Variants in DLGAP2 observed in about 807,000 individuals in gnomAD.
DLGAP2 encodes disks large-associated protein 2.
A neutral mutation model predicts 100.3 loss-of-function variants in DLGAP2; 26 were observed. The observed-to-expected ratio is 0.26, with a 90% confidence interval of 0.19 to 0.36. The LOEUF (loss-of-function observed/expected upper bound fraction) is 0.36. Among genes scored for constraint, DLGAP2 ranks in the 10% least tolerant of loss-of-function variants. DLGAP2 has a pLI of 1.00. For synonymous variants in DLGAP2, 886 were observed against 630.1 expected (o/e 1.41, Z -6.08); for missense variants, 1,858 against 1,453.2 (o/e 1.28, Z -4.53).
intron 3 of DLGAP2, among the ~76,000 whole-genome samples, chr8:1,290,426 C>T (rs1377158299): frequency 6.6e-6 from 1 of 152,208 alleles, no homozygotes; most frequent in Admixed American, 6.5e-5. Context: ...GCACTCCTGC[C>T]ATTCCACGAG....
At chr8:1,321,360 G>A (rs532902166) in intron 3 of DLGAP2, among the ~76,000 whole-genome samples, 26 of 149,218 alleles carry the variant, frequency 1.7e-4, no homozygotes, top group Admixed American at 5.4e-4. Context: ...TTATGCATCC[G>A]TACCATGTGC....
intron 2 of DLGAP2, among the ~76,000 whole-genome samples, chr8:1,072,875 G>T (rs1054335381): frequency 3.9e-5 from 6 of 152,202 alleles, no homozygotes; most frequent in African/African-American, 1.2e-4. Flanking sequence ...GTGTGCCCGG[G>T]GACCCTGTGC....
intron 1 of DLGAP2, among the ~76,000 whole-genome samples, chr8:895,757 G>T (rs1031494315): frequency 6.6e-6 from 1 of 152,140 alleles, no homozygotes; most frequent in Non-Finnish European, 1.5e-5. Flanking sequence ...TGTCCAGGTC[G>T]GTGTGGGGCA....
chr8:1,279,132 T>G (rs754335036), intron 3 of DLGAP2, among the ~76,000 whole-genome samples: 7 of 152,222 alleles, frequency 4.6e-5, no homozygotes, highest in Non-Finnish European at 8.8e-5. Flanking sequence ...GCATTGCAAA[T>G]AGAGGTGTCA....
In DLGAP2 at chr8:1,120,762, A is replaced by G. The variant is rs186900032; in HGVS notation, c.74-138089A>G. ...CATGAACACCCATCCTAATTTATTT[A>G]GAAACTAGTCATTCTAGTCCCATCC... On this transcript the variant is annotated intron_variant, in intron 2 of 14. Transcript: ENST00000637795. Among the ~76,000 whole-genome samples, 4 of 152,014 alleles carry G rather than the reference A, an allele frequency of 2.6e-5. No homozygotes were observed. In the South Asian group the frequency reaches 8.3e-4, roughly 32 times the overall value.
intron 2 of DLGAP2, among the ~76,000 whole-genome samples, chr8:1,072,941 A>G (rs1191389675): frequency 6.6e-6 from 1 of 152,156 alleles, no homozygotes; most frequent in Non-Finnish European, 1.5e-5. Flanking sequence ...GTATTAATTT[A>G]ATTAGGGAGT....
intron 1 of DLGAP2, among the ~76,000 whole-genome samples, chr8:812,599 G>A (rs1563044695): frequency 6.6e-6 from 1 of 152,192 alleles, no homozygotes; most frequent in South Asian, 2.1e-4. Flanking sequence ...AGATGCCTGT[G>A]ACATTTCAAT....
chr8:939,921 T>A (rs1799155101), intron 2 of DLGAP2, among the ~76,000 whole-genome samples: 2 of 151,566 alleles, frequency 1.3e-5, no homozygotes, highest in African/African-American at 4.9e-5. Context: ...CATGAGGGGA[T>A]GGCTGAGGCC....
At chr8:1,267,609 AAG>A (rs1491199895) in intron 3 of DLGAP2, among the ~76,000 whole-genome samples, 2 of 114,814 alleles carry the variant, frequency 1.7e-5, no homozygotes, top group African/African-American at 7.3e-5. Flanking sequence ...AAGATAAGAT[AAG>A]ATAAGATAAG....
At chr8:1,491,125 C>A (rs1473373991) in intron 3 of DLGAP2, among the ~76,000 whole-genome samples, 33 of 91,504 alleles carry the variant, frequency 3.6e-4, no homozygotes, top group South Asian at 7.3e-4. Context: ...ATGAACAGAG[C>A]AAAAGAAAAA....
intron 4 of DLGAP2, among the ~76,000 whole-genome samples, chr8:1,515,518 A>T (rs1032091675): frequency 6.6e-6 from 1 of 152,234 alleles, no homozygotes. Flanking sequence ...ACACAGGTGC[A>T]TGCACATGCA....
In DLGAP2 at chr8:1,702,755, A is replaced by T. The variant is rs192289073; in HGVS notation, c.*1349A>T. On this transcript the variant is annotated 3_prime_UTR_variant, in exon 15 of 15. Transcript: ENST00000637795. Reference sequence around the variant, plus strand: ...TGTTCTGACACGACTTCTGTTTCACAGTTCAGACCGGTCTTCAAAGGAAAA... The same window carrying T: ...TGTTCTGACACGACTTCTGTTTCACTGTTCAGACCGGTCTTCAAAGGAAAA... 6.6e-6 allele frequency: 1 copy of T among 152,308 alleles called. No individual in the cohort carries two copies. Among genetic ancestry groups the T allele is most frequent in the Non-Finnish European group, 1.5e-5 (1 of 68,050 alleles). The allele number at this position is 152,308 out of a possible 1,614,324, so 9.4% of individuals were successfully genotyped here.
chr8:970,117 C>A (rs945507551), intron 2 of DLGAP2, among the ~76,000 whole-genome samples: 1 of 151,874 alleles, frequency 6.6e-6, no homozygotes, highest in Non-Finnish European at 1.5e-5. Flanking sequence ...GAAAAATGTC[C>A]ACCGGCATTC....
intron 2 of DLGAP2, among the ~76,000 whole-genome samples, chr8:1,140,736 C>T (rs1796506974): frequency 6.6e-6 from 1 of 152,190 alleles, no homozygotes; most frequent in African/African-American, 2.4e-5. Flanking sequence ...CTTTGGGAGG[C>T]TGAGGTGGGC....
intron 2 of DLGAP2, chr8:1,032,991 G>A (rs1332687160): frequency 6.6e-6 from 1 of 152,260 alleles, no homozygotes; most frequent in Non-Finnish European, 1.5e-5. Context: ...GGGTGATCGT[G>A]GGTAACTAGC....
intron 2 of DLGAP2, among the ~76,000 whole-genome samples, chr8:1,180,604 GGT>G (rs1797362292): frequency 2.1e-5 from 3 of 141,854 alleles, no homozygotes; most frequent in South Asian, 2.3e-4. Context: ...AGTGTGTGTG[GGT>G]GTGTGAGGGC....
chr8:1,685,500 T>C (rs1263178565), intron 12 of DLGAP2, among the ~76,000 whole-genome samples: 3 of 152,176 alleles, frequency 2.0e-5, no homozygotes, highest in African/African-American at 7.2e-5. Context: ...TGGATCAGAC[T>C]AAGAGAATCA....
chr8:784,811 A>G (rs1049196205), intron 1 of DLGAP2, among the ~76,000 whole-genome samples: 4 of 152,200 alleles, frequency 2.6e-5, no homozygotes, highest in African/African-American at 9.7e-5. Flanking sequence ...TAACATGGGA[A>G]AGGTACAATA....
At chr8:973,232 G>A (rs1347317502) in intron 2 of DLGAP2, among the ~76,000 whole-genome samples, 5 of 150,476 alleles carry the variant, frequency 3.3e-5, no homozygotes, top group South Asian at 2.1e-4. Flanking sequence ...CAGACGGGGC[G>A]GCTGGCCGGG....
Sources: gnomAD v4.1 joint callset for allele counts (sites outside exome capture counted in the v4.1 genomes callset) on GRCh38, gnomAD v4.1.1 for gene constraint, MANE v1.5 for transcripts, NCBI Gene and HGNC (gene_info 2026-07-23, HGNC 2026-07-21) for gene names.